Variants in SOS2 observed in about 807,000 individuals in gnomAD.
SOS2 encodes the protein SOS Ras/Rho guanine nucleotide exchange factor 2.
A neutral mutation model predicts 148.2 loss-of-function variants in SOS2; 65 were observed. The observed-to-expected ratio is 0.44, with a 90% CI of 0.36 to 0.54. The LOEUF (loss-of-function observed/expected upper bound fraction) is 0.54, where lower values mean the gene tolerates loss of function less well. SOS2 is among the 20% of genes least tolerant of loss of function. The probability of loss-of-function intolerance (pLI) is 0.00; values close to 1 mark genes in which losing one functional copy is unlikely to be tolerated. For missense variants in SOS2, 1,341 were observed against 1,590.2 expected (o/e 0.84, Z 2.67); for synonymous variants, 539 against 537.1 (o/e 1.00, Z -0.05).
Position 50,171,805 on chromosome 14 carries a change from T to C in SOS2, c.1068+2649A>G, listed in dbSNP as rs114808381. ...TCTCAAAGTTTATTTGTAAGCGTCATTGATGTTGTGTATTGTTCTAGTGTA... is the reference window on the plus strand; with the variant it reads ...TCTCAAAGTTTATTTGTAAGCGTCACTGATGTTGTGTATTGTTCTAGTGTA... On this transcript the variant is annotated intron_variant, in intron 8 of 22. Transcript: ENST00000216373. Among the ~76,000 whole-genome samples the C allele has an allele frequency of 2.2e-3, 330 of 152,210 alleles. 2 individuals carry two copies. The highest frequency in any genetic ancestry group is 7.2e-3 in the African/African-American group (300 of 41,542).
At chr14:50,196,512 C>T (rs1394577635) in intron 4 of SOS2, among the ~76,000 whole-genome samples, 2 of 151,992 alleles carry the variant, frequency 1.3e-5, no homozygotes, top group Non-Finnish European at 2.9e-5. Context: ...AATACTAGAT[C>T]TCATTCATTC....
rs777523051 is a variant in SOS2 at position 50,188,532 on chromosome 14, C to A, written c.679G>T (p.Ala227Ser). Residue 227 changes from alanine to serine, a missense_variant, in exon 5 of 23, where the codon GCC (alanine) becomes TCC (serine). Ala to Ser is a moderately conservative substitution (Grantham distance 99, BLOSUM62 1). Transcript: ENST00000216373. ...LNMIIKVFRE[A>S]FLSDRKLFKP... is the part of the protein sequence containing the mutation. ...AACAGCTTTCTATCAGAAAGAAAGG[C>A]TTCTCGAAACACTTTTATGATCATA... 1 of 1,599,808 alleles carries A rather than the reference C, an allele frequency of 6.3e-7. No individual in the cohort carries two copies. The highest frequency in any genetic ancestry group is 1.4e-5 in the African/African-American group (1 of 73,778).
At chr14:50,172,234 C>A (rs1885387546) in intron 8 of SOS2, among the ~76,000 whole-genome samples, 1 of 152,000 alleles carries the variant, frequency 6.6e-6, no homozygotes, top group Non-Finnish European at 1.5e-5. Context: ...TTTTGGATAT[C>A]CTGTTTTGTG....
intron 1 of SOS2, among the ~76,000 whole-genome samples, chr14:50,209,015 C>T (rs1886769078): frequency 6.6e-6 from 1 of 152,138 alleles, no homozygotes; most frequent in African/African-American, 2.4e-5. Flanking sequence ...GCCTTATCCA[C>T]TTGACTAAAG....
intron 10 of SOS2, 36 bp from the exon 11 acceptor site, chr14:50,158,682 A>G (rs1400458414): frequency 1.5e-6 from 2 of 1,345,010 alleles, no homozygotes; most frequent in Non-Finnish European, 2.1e-6. Context: ...TTTCATGTTT[A>G]ATGTATTCAG....
intron 21 of SOS2, among the ~76,000 whole-genome samples, chr14:50,126,130 A>G (rs1029365391): frequency 6.6e-6 from 1 of 152,214 alleles, no homozygotes; most frequent in Non-Finnish European, 1.5e-5. Flanking sequence ...ACTACTGGAC[A>G]AGAAAGGAAA....
intron 4 of SOS2, among the ~76,000 whole-genome samples, 171 bp downstream of exon 4, chr14:50,199,520 T>C (rs1050927099): frequency 2.6e-5 from 4 of 152,200 alleles, no homozygotes; most frequent in Non-Finnish European, 4.4e-5. Flanking sequence ...CATCCTGCCA[T>C]ATGCTTAAAA....
chr14:50,120,795 A>G (rs1425857208), intron 21 of SOS2, among the ~76,000 whole-genome samples: 1 of 134,698 alleles, frequency 7.4e-6, no homozygotes, highest in African/African-American at 2.8e-5. Context: ...GCTGGAGTGC[A>G]ATGGCACGAT....
intron 14 of SOS2, 40 bp downstream of exon 14, chr14:50,149,968 T>C (rs533420597): frequency 1.2e-4 from 163 of 1,360,560 alleles, no homozygotes; most frequent in Non-Finnish European, 1.7e-4. Context: ...ATGTTCAAGA[T>C]TCTTAAAAAT....
At chr14:50,191,539 A>G (rs1886139264) in intron 4 of SOS2, among the ~76,000 whole-genome samples, 1 of 152,142 alleles carries the variant, frequency 6.6e-6, no homozygotes, top group Admixed American at 6.5e-5. Context: ...CTGATACACC[A>G]TTCTGTCAGT....
intron 8 of SOS2, among the ~76,000 whole-genome samples, chr14:50,162,141 C>T (rs916080695): frequency 1.3e-5 from 2 of 151,874 alleles, no homozygotes; most frequent in East Asian, 1.9e-4. Flanking sequence ...AAAAACCATT[C>T]GGACATTTTA....
intron 1 of SOS2, 119 bp downstream of exon 1, chr14:50,231,078 G>A (rs1042883809): frequency 3.3e-6 from 2 of 602,902 alleles, no homozygotes; most frequent in African/African-American, 1.9e-5. Flanking sequence ...CCCATTGCCA[G>A]CCAACGAGAA....
intron 18 of SOS2, among the ~76,000 whole-genome samples, chr14:50,135,251 A>G (rs993505520): frequency 3.3e-5 from 5 of 152,018 alleles, no homozygotes; most frequent in African/African-American, 7.2e-5. Context: ...GCTTAAGCCC[A>G]GGAATTTGAC....
At chr14:50,148,456 T>C (rs1223975769) in intron 14 of SOS2, among the ~76,000 whole-genome samples, 1 of 151,960 alleles carries the variant, frequency 6.6e-6, no homozygotes, top group Non-Finnish European at 1.5e-5. Flanking sequence ...AAGTCAGTAT[T>C]AGGTATTTTT....
chr14:50,183,405 A>G (rs1436358429), intron 5 of SOS2, among the ~76,000 whole-genome samples: 1 of 152,126 alleles, frequency 6.6e-6, no homozygotes, highest in African/African-American at 2.4e-5. Context: ...AAAAGAAACA[A>G]TATAAGAGTT....
Position 50,129,989 on chromosome 14 carries a change from G to C in SOS2, c.3351C>G (p.Ile1117Met). Residue 1117 changes from isoleucine to methionine, a missense_variant, in exon 21 of 23, where the codon ATC becomes ATG. Ile to Met is a conservative substitution (Grantham distance 10). Coordinates refer to ENST00000216373, the MANE Select transcript of SOS2 (RefSeq NM_006939.4). Reference protein sequence around the residue: ...DLNSSCGSNSIFAPVLLPHSK... With the variant: ...DLNSSCGSNSMFAPVLLPHSK... ...AATGTGGCAAAAGCACTGGAGCAAAGATGCTATTGCTGCCTATTGGAATAA... is the reference window on the plus strand; with the variant it reads ...AATGTGGCAAAAGCACTGGAGCAAACATGCTATTGCTGCCTATTGGAATAA... 1.3e-6 allele frequency: 2 copies of C among 1,593,484 alleles called. No homozygotes were observed. Among genetic ancestry groups the C allele is most frequent in the Non-Finnish European group, 1.7e-6 (2 of 1,164,862 alleles).
At chr14:50,137,450 C>G (rs1475784453) in intron 18 of SOS2, among the ~76,000 whole-genome samples, 1 of 152,118 alleles carries the variant, frequency 6.6e-6, no homozygotes, top group Non-Finnish European at 1.5e-5. Context: ...TTGTCATTCA[C>G]TTTTTATGGT....
At chr14:50,221,985 T>C (rs1305398344) in intron 1 of SOS2, among the ~76,000 whole-genome samples, 1 of 152,052 alleles carries the variant, frequency 6.6e-6, no homozygotes, top group East Asian at 1.9e-4. Context: ...TCTAAAAATA[T>C]CATATTAGAA....
In SOS2 at chr14:50,224,205, T is replaced by C. The variant is rs551411058; in HGVS notation, c.87+6992A>G. Among the ~76,000 whole-genome samples, 3 of 149,418 alleles carry C rather than the reference T, an allele frequency of 2.0e-5. No individual in the cohort carries two copies. The East Asian group carries it at 5.9e-4, about 30-fold the overall frequency. On this transcript the variant is annotated intron_variant, in intron 1 of 22. Transcript: ENST00000216373. Reference sequence around the variant, plus strand: ...ACTCGGGAGGCTGAGACAGGAGAACTGGTTGAGCCTGGGAGGCAGAGGTTG... The same window carrying C: ...ACTCGGGAGGCTGAGACAGGAGAACCGGTTGAGCCTGGGAGGCAGAGGTTG...
Sources: gnomAD v4.1 joint callset for allele counts (sites outside exome capture counted in the v4.1 genomes callset) on GRCh38, gnomAD v4.1.1 for gene constraint, MANE v1.5 for transcripts, NCBI Gene and HGNC (gene_info 2026-07-23, HGNC 2026-07-21) for gene names.